Variants in OSBPL9 observed in about 807,000 individuals in gnomAD.
OSBPL9 encodes the protein oxysterol binding protein like 9, also known as oxysterol-binding protein-related protein 9.
In OSBPL9, 40 loss-of-function variants were observed where a neutral mutation model predicts 106.6. That is an observed-to-expected ratio of 0.38 (90% CI 0.29 to 0.49). The LOEUF (loss-of-function observed/expected upper bound fraction) is 0.49. OSBPL9 is among the 20% of genes least tolerant of loss of function. The pLI is 0.97. For synonymous variants in OSBPL9, 269 were observed against 295.4 expected, an observed-to-expected ratio of 0.91 and a Z score of 0.92; for missense variants, 609 against 887.2, an observed-to-expected ratio of 0.69 and a Z score of 3.98.
chr1:51,685,215 C>T (rs1434220656), intron 3 of OSBPL9, among the ~76,000 whole-genome samples: 1 of 152,092 alleles, frequency 6.6e-6, no homozygotes, highest in Non-Finnish European at 1.5e-5. Context: ...AAGGTTTTTG[C>T]ATTTTGAAAA....
intron 11 of OSBPL9, among the ~76,000 whole-genome samples, chr1:51,765,060 T>C (rs2149081464): frequency 6.6e-6 from 1 of 152,302 alleles, no homozygotes; most frequent in African/African-American, 2.4e-5. Flanking sequence ...AATACTCCAT[T>C]TGTCGATTGG....
At chr1:51,610,006 C>A (rs1022491394) in intron 2 of OSBPL9, among the ~76,000 whole-genome samples, 1 of 151,878 alleles carries the variant, frequency 6.6e-6, no homozygotes, top group Non-Finnish European at 1.5e-5. Flanking sequence ...CTCGGCCTCC[C>A]AAAGTGCTGG....
intron 3 of OSBPL9, among the ~76,000 whole-genome samples, chr1:51,706,568 G>A (rs1658580675): frequency 6.6e-6 from 1 of 151,690 alleles, no homozygotes; most frequent in Non-Finnish European, 1.5e-5. Context: ...TCTATTGAAT[G>A]TTTGCCCTCT....
intron 2 of OSBPL9, among the ~76,000 whole-genome samples, chr1:51,661,562 A>G (rs1647155357): frequency 1.3e-5 from 2 of 152,332 alleles, no homozygotes; most frequent in South Asian, 4.1e-4. Context: ...GAACTTTAAG[A>G]AGCTGACCAT....
intron 3 of OSBPL9, among the ~76,000 whole-genome samples, chr1:51,684,240 C>G (rs1653246170): frequency 6.6e-6 from 1 of 152,060 alleles, no homozygotes; most frequent in East Asian, 1.9e-4. Flanking sequence ...AACTCCTGGC[C>G]TCAAGTGATT....
At chr1:51,539,194 A>G in the OSBPL9 span, among the ~76,000 whole-genome samples, 1 of 152,296 alleles carries the variant, frequency 6.6e-6, no homozygotes, top group Middle Eastern at 3.4e-3. Context: ...CATATCTAAA[A>G]TAGAACTCCT....
In OSBPL9 at chr1:51,784,044, G is replaced by A; in HGVS notation, c.1624+19G>A. Reference sequence around the variant, plus strand: ...GGGCAGGGTAAGTGTGTTGGCATTGGGTGGACTACAATGTTATAGGAGAAT... The same window carrying A: ...GGGCAGGGTAAGTGTGTTGGCATTGAGTGGACTACAATGTTATAGGAGAAT... On this transcript the variant is annotated intron_variant, in intron 18 of 23. Transcript: ENST00000428468. 1 of 1,568,836 alleles carries A rather than the reference G, an allele frequency of 6.4e-7. No individual in the cohort carries two copies. The highest frequency in any genetic ancestry group is 1.1e-5 in the South Asian group (1 of 90,172).
chr1:51,621,008 G>A (rs1005981903), intron 1 of OSBPL9, among the ~76,000 whole-genome samples: 2 of 152,102 alleles, frequency 1.3e-5, no homozygotes, highest in Non-Finnish European at 2.9e-5. Context: ...GATTACAGGC[G>A]TGAGCCCCTG....
chr1:51,774,796 CAGTAT>C (rs1674678189), intron 14 of OSBPL9, among the ~76,000 whole-genome samples: 1 of 152,090 alleles, frequency 6.6e-6, no homozygotes, highest in South Asian at 2.1e-4. Context: ...TAGCATGTAT[CAGTAT>C]AGCACTACAA....
chr1:51,743,489 A>G (rs1212544017), intron 4 of OSBPL9, among the ~76,000 whole-genome samples: 2 of 152,220 alleles, frequency 1.3e-5, no homozygotes, highest in Non-Finnish European at 2.9e-5. Context: ...ATTTGTTTAA[A>G]AAGGATGTTT....
At chr1:51,704,216 A>G (rs1397556846) in intron 3 of OSBPL9, among the ~76,000 whole-genome samples, 1 of 152,160 alleles carries the variant, frequency 6.6e-6, no homozygotes, top group African/African-American at 2.4e-5. Context: ...GAATGGTACC[A>G]GCTCCTCCTT....
chr1:51,650,530 AT>A (rs904663565), intron 1 of OSBPL9, among the ~76,000 whole-genome samples: 2 of 152,064 alleles, frequency 1.3e-5, no homozygotes, highest in East Asian at 3.9e-4. Flanking sequence ...GTATTGAGAA[AT>A]TTTTTTCCTA....
At chr1:51,677,962 C>A (rs1237015273) in intron 3 of OSBPL9, among the ~76,000 whole-genome samples, 1 of 151,778 alleles carries the variant, frequency 6.6e-6, no homozygotes, top group South Asian at 2.1e-4. Context: ...TGGCTTGAGG[C>A]CAAGACTTAG....
intron 2 of OSBPL9, among the ~76,000 whole-genome samples, chr1:51,667,036 A>G (rs1207196776): frequency 6.6e-6 from 1 of 152,230 alleles, no homozygotes; most frequent in Non-Finnish European, 1.5e-5. Context: ...TTAATAGTTG[A>G]GAGGTAGAAT....
chr1:51,671,033 C>T (rs1301409255), intron 3 of OSBPL9, among the ~76,000 whole-genome samples: 1 of 152,170 alleles, frequency 6.6e-6, no homozygotes, highest in Non-Finnish European at 1.5e-5. Flanking sequence ...TTGGCACTCT[C>T]ATACTTATTT....
At chr1:51,731,969 G>A (rs953813392) in intron 4 of OSBPL9, among the ~76,000 whole-genome samples, 3 of 152,104 alleles carry the variant, frequency 2.0e-5, no homozygotes, top group Non-Finnish European at 2.9e-5. Flanking sequence ...CTGTCTACTG[G>A]TCACGTTCAT....
At chr1:51,642,754 G>A (rs1645884749) in intron 1 of OSBPL9, among the ~76,000 whole-genome samples, 1 of 152,110 alleles carries the variant, frequency 6.6e-6, no homozygotes, top group Non-Finnish European at 1.5e-5. Flanking sequence ...CACCTTGGAA[G>A]CTTGGCCTAG....
chr1:51,788,155 TACAC>T lies in OSBPL9; in HGVS notation c.*380_*383del, dbSNP rs71247587. The T allele has an allele frequency of 9.8e-5, 23 of 234,790 alleles. No homozygotes were observed. The highest frequency in any genetic ancestry group is 1.6e-4 in the Non-Finnish European group (19 of 118,352). The allele number at this position is 234,790 out of a possible 1,614,324, so 14.5% of individuals were successfully genotyped here. On this transcript the variant is annotated 3_prime_UTR_variant, in exon 24 of 24. Transcript: ENST00000428468. ...TTTCTTAGTTCATATAATCTCGGGA[TACAC>T]ACACACACACACATATATATACACA...
chr1:51,667,496 C>T (rs1252706534), intron 2 of OSBPL9, among the ~76,000 whole-genome samples: 1 of 152,174 alleles, frequency 6.6e-6, no homozygotes, highest in East Asian at 1.9e-4. Flanking sequence ...GCTTCTTTCA[C>T]TTAGCATACT....
Sources: allele counts gnomAD v4.1 joint callset (sites outside exome capture counted in the v4.1 genomes callset), GRCh38; gene constraint gnomAD v4.1.1; transcripts MANE v1.5; gene names NCBI Gene and HGNC (gene_info 2026-07-23, HGNC 2026-07-21).